RORA: variants seen among roughly 807,000 people sequenced by gnomAD.
The protein encoded by RORA is nuclear receptor ROR-alpha.
A neutral mutation model predicts 69.5 loss-of-function variants in RORA; 7 were observed. The observed-to-expected ratio is 0.10, with a 90% CI of 0.06 to 0.19. RORA has a LOEUF of 0.19. RORA is among the 10% of genes least tolerant of loss of function. The pLI, the probability that RORA is intolerant of heterozygous loss-of-function variation, is 1.00. For synonymous variants in RORA, 261 were observed against 240.8 expected (o/e 1.08, Z -0.78); for missense variants, 457 against 663.0 (o/e 0.69, Z 3.41).
intron 1 of RORA, among the ~76,000 whole-genome samples, chr15:60,733,539 A>G (rs988617360): frequency 6.6e-6 from 1 of 152,208 alleles, no homozygotes; most frequent in African/African-American, 2.4e-5. Context: ...TGTTGTCAAT[A>G]TTGGGGGATT....
chr15:61,095,778 TC>T (rs2078780491), intron 1 of RORA, among the ~76,000 whole-genome samples: 1 of 152,206 alleles, frequency 6.6e-6, no homozygotes, highest in East Asian at 1.9e-4. Flanking sequence ...TCCATGATTT[TC>T]CATCACCTCC....
At chr15:60,868,174 C>A (rs1312808784) in intron 1 of RORA, among the ~76,000 whole-genome samples, 2 of 152,152 alleles carry the variant, frequency 1.3e-5, no homozygotes, top group Non-Finnish European at 1.5e-5. Context: ...TAGGGAGACA[C>A]ATTACACCTT....
intron 1 of RORA, among the ~76,000 whole-genome samples, chr15:61,132,797 C>G (rs2079202816): frequency 6.6e-6 from 1 of 152,148 alleles, no homozygotes; most frequent in Non-Finnish European, 1.5e-5. Context: ...GGAAACGCAG[C>G]CCATAAATTT....
chr15:61,103,361 C>T (rs1216941889), intron 1 of RORA, among the ~76,000 whole-genome samples: 1 of 152,206 alleles, frequency 6.6e-6, no homozygotes, highest in African/African-American at 2.4e-5. Flanking sequence ...TTATCCAGGA[C>T]CTCATTGCTC....
chr15:60,601,309 TTAC>T (rs770968823), intron 2 of RORA, among the ~76,000 whole-genome samples: 18 of 152,288 alleles, frequency 1.2e-4, no homozygotes, highest in Non-Finnish European at 2.5e-4. Context: ...AATTATTTAA[TTAC>T]TACTAATGAG....
chr15:61,157,605 A>G (rs571928824), intron 1 of RORA, among the ~76,000 whole-genome samples: 2 of 152,150 alleles, frequency 1.3e-5, no homozygotes, highest in Non-Finnish European at 2.9e-5. Context: ...CCTCCTCACC[A>G]TGTGCTGGCA....
chr15:61,206,229 G>A (rs898550587), intron 1 of RORA, among the ~76,000 whole-genome samples: 1 of 152,144 alleles, frequency 6.6e-6, no homozygotes, highest in Non-Finnish European at 1.5e-5. Flanking sequence ...GTGAATATAA[G>A]AACTGATTAT....
intron 1 of RORA, among the ~76,000 whole-genome samples, chr15:60,948,303 T>A (rs1048766765): frequency 6.6e-6 from 1 of 152,058 alleles, no homozygotes; most frequent in Non-Finnish European, 1.5e-5. Context: ...AAAAAATGTC[T>A]CTGCTTTTTC....
At chr15:60,527,869 T>C (rs2066411478) in intron 3 of RORA, among the ~76,000 whole-genome samples, 1 of 152,142 alleles carries the variant, frequency 6.6e-6, no homozygotes. Context: ...GACTGCCCTT[T>C]TTCTGGGCTT....
At chr15:60,647,454 T>C (rs1295628923) in intron 2 of RORA, among the ~76,000 whole-genome samples, 1 of 152,158 alleles carries the variant, frequency 6.6e-6, no homozygotes, top group Non-Finnish European at 1.5e-5. Context: ...TCAGCCAGCG[T>C]TTTGATCACT....
intron 1 of RORA, among the ~76,000 whole-genome samples, chr15:61,121,317 C>T (rs2079102402): frequency 6.6e-6 from 1 of 152,184 alleles, no homozygotes; most frequent in African/African-American, 2.4e-5. Flanking sequence ...TGGAGGGATG[C>T]ATATGTCTCC....
At chr15:60,845,699 C>T (rs1016888133) in intron 1 of RORA, among the ~76,000 whole-genome samples, 3 of 152,142 alleles carry the variant, frequency 2.0e-5, no homozygotes, top group South Asian at 2.1e-4. Context: ...TGAGTTAATT[C>T]GCATTAAAGT....
chr15:60,731,772 T>G (rs568305245), intron 1 of RORA, among the ~76,000 whole-genome samples: 1 of 152,326 alleles, frequency 6.6e-6, no homozygotes, highest in South Asian at 2.1e-4. Flanking sequence ...CAAAATGAAA[T>G]ACAGTTTGTT....
At chr15:61,024,232 G>GTATA (rs2140423202) in intron 1 of RORA, among the ~76,000 whole-genome samples, 1 of 145,422 alleles carries the variant, frequency 6.9e-6, no homozygotes, top group South Asian at 2.3e-4. Flanking sequence ...TATACAAGTA[G>GTATA]CATTCATCCT....
At position 61,061,354 on chromosome 15, in the gene RORA, A is replaced by AAAATAAAT. The variant is rs59914367; in HGVS notation, c.166+167691_166+167698dup. Reference sequence around the variant, plus strand: ...GAGACAGAGCGAGGCTCTATCTTAAAAAATAAATAAATAAATAAATAAATA... The same window carrying AAAATAAAT: ...GAGACAGAGCGAGGCTCTATCTTAAAAAATAAATAAATAAATAAATAAATAAATAAATA... On this transcript the variant is annotated intron_variant, in intron 1 of 10. Coordinates refer to ENST00000335670, the MANE Select transcript of RORA (RefSeq NM_134261.3). The surrounding 1 kb of genome is among the most constrained non-coding windows in gnomAD (Gnocchi z 4.4). 0.043 allele frequency among the ~76,000 whole-genome samples: 5,889 copies of AAAATAAAT among 137,054 alleles called. 168 individuals are homozygous for AAAATAAAT. The highest frequency in any genetic ancestry group is 0.082 in the African/African-American group (3,050 of 36,990). The allele number at this position is 137,054 out of a possible 152,430, so 89.9% of individuals were successfully genotyped here.
At chr15:60,633,854 T>C (rs2069786024) in intron 2 of RORA, among the ~76,000 whole-genome samples, 1 of 152,214 alleles carries the variant, frequency 6.6e-6, no homozygotes, top group African/African-American at 2.4e-5. Flanking sequence ...ACCTGAGAAA[T>C]GTATATAAAG....
intron 1 of RORA, among the ~76,000 whole-genome samples, chr15:60,785,832 C>G (rs746241): frequency 6.6e-6 from 1 of 152,088 alleles, no homozygotes; most frequent in Non-Finnish European, 1.5e-5. Context: ...TCCTTCATTG[C>G]GTTTGTCACT....
intron 1 of RORA, among the ~76,000 whole-genome samples, chr15:60,721,899 G>C (rs1236212064): frequency 6.6e-6 from 1 of 152,228 alleles, no homozygotes; most frequent in Non-Finnish European, 1.5e-5. Flanking sequence ...ACTGGATGGT[G>C]ACTCATTTTA....
intron 2 of RORA, among the ~76,000 whole-genome samples, chr15:60,664,632 C>CA (rs1481326326): frequency 6.6e-6 from 1 of 152,172 alleles, no homozygotes; most frequent in African/African-American, 2.4e-5. Flanking sequence ...CTTTACGTTA[C>CA]AGGCAAGGGA....
Sources: allele counts gnomAD v4.1 joint callset (sites outside exome capture counted in the v4.1 genomes callset), GRCh38; gene constraint gnomAD v4.1.1; non-coding constraint Gnocchi (gnomAD v3.1); transcripts MANE v1.5; gene names NCBI Gene and HGNC (gene_info 2026-07-23, HGNC 2026-07-21).